WFDC8: variants seen among roughly 807,000 people sequenced by gnomAD.
The protein encoded by WFDC8 is WAP four-disulfide core domain 8.
Under a neutral mutation model 27.0 loss-of-function variants are expected in WFDC8, and 24 were observed. The observed-to-expected ratio is 0.89, with a 90% CI of 0.64 to 1.25. WFDC8 has a LOEUF of 1.25. Among genes scored for constraint, WFDC8 ranks in the 50% most tolerant of loss-of-function variants. WFDC8 has a pLI of 0.00. For synonymous variants in WFDC8, 106 were observed against 99.7 expected, an observed-to-expected ratio of 1.06 and a Z score of -0.38; for missense variants, 287 against 295.9, an observed-to-expected ratio of 0.97 and a Z score of 0.22.
intron 1 of WFDC8, among the ~76,000 whole-genome samples, chr20:45,565,001 A>G (rs1219146672): frequency 8.6e-6 from 1 of 115,770 alleles, no homozygotes; most frequent in East Asian, 2.1e-4. Context: ...AGGAAAGGAA[A>G]GGAAGAAAGA....
In WFDC8 at chr20:45,577,734, C is replaced by T. The variant is rs1001824758; in HGVS notation, c.26+1488G>A. Among the ~76,000 whole-genome samples, 2 of 145,994 alleles carry T rather than the reference C, an allele frequency of 1.4e-5. 1 individual carries two copies. The highest frequency in any genetic ancestry group is 4.8e-4 in the South Asian group (2 of 4,200). ...TTAAAAAATAAAGACAGGGCCAGCACGGTGGCTCATGCCTGTAATCCCAGC... is the reference window on the plus strand; with the variant it reads ...TTAAAAAATAAAGACAGGGCCAGCATGGTGGCTCATGCCTGTAATCCCAGC... On this transcript the variant is annotated intron_variant, in intron 1 of 5. Transcript: ENST00000289953.
chr20:45,578,550 C>T (rs1981123467), intron 1 of WFDC8, among the ~76,000 whole-genome samples: 1 of 151,308 alleles, frequency 6.6e-6, no homozygotes, highest in South Asian at 2.1e-4. Flanking sequence ...GCAAAACTCA[C>T]TATGCATATG....
intron 1 of WFDC8, among the ~76,000 whole-genome samples, chr20:45,575,602 C>A (rs1050394508): frequency 6.6e-6 from 1 of 151,160 alleles, no homozygotes; most frequent in African/African-American, 2.4e-5. Flanking sequence ...CCACCCAGAA[C>A]CTATCTTTTT....
At chr20:45,577,711 A>C (rs1352299673) in intron 1 of WFDC8, among the ~76,000 whole-genome samples, 1 of 147,346 alleles carries the variant, frequency 6.8e-6, no homozygotes, top group African/African-American at 2.5e-5. Context: ...ATACATGTTT[A>C]AAAAATAAAG....
At chr20:45,558,726 A>T in intron 3 of WFDC8, 126 bp downstream of exon 3, 1 of 1,187,962 alleles carries the variant, frequency 8.4e-7, no homozygotes, top group Non-Finnish European at 1.2e-6. Context: ...AGGGTTAGGC[A>T]TTGAATAACA....
At chr20:45,566,394 G>A (rs1395072834) in intron 1 of WFDC8, among the ~76,000 whole-genome samples, 2 of 152,110 alleles carry the variant, frequency 1.3e-5, no homozygotes, top group Non-Finnish European at 2.9e-5. Flanking sequence ...AGGTGCAGTG[G>A]CTCATGCCTG....
chr20:45,565,105 AAAG>A lies in WFDC8; in HGVS notation c.27-2889_27-2887del, dbSNP rs1475870557. On this transcript the variant is annotated intron_variant, in intron 1 of 5. Transcript: ENST00000289953. ...AAGAGAAAGAGGGAGGGAAAGAAGG[AAAG>A]AAGGAAGGAGAGAAGGAAGGAAGGA... is the stretch of plus-strand genomic sequence containing the variant. Among the ~76,000 whole-genome samples the A allele has an allele frequency of 4.0e-5, 6 of 150,664 alleles. No homozygotes were observed. The East Asian group carries it at 7.9e-4, about 20-fold the overall frequency.
chr20:45,571,815 CT>C (rs1209940220), intron 1 of WFDC8, among the ~76,000 whole-genome samples: 1 of 152,160 alleles, frequency 6.6e-6, no homozygotes, highest in Non-Finnish European at 1.5e-5. Flanking sequence ...GAATTTCCTT[CT>C]TTTTAAAGGC....
At chr20:45,559,013 A>G (rs1161061194) in intron 2 of WFDC8, 21 bp from the exon 3 acceptor site, 1 of 1,612,806 alleles carries the variant, frequency 6.2e-7, no homozygotes, top group Admixed American at 1.7e-5. Context: ...GAAATGTCCA[A>G]ACTCACATTC....
intron 1 of WFDC8, among the ~76,000 whole-genome samples, chr20:45,566,267 TGAA>T (rs1163884168): frequency 6.6e-6 from 1 of 152,184 alleles, no homozygotes; most frequent in African/African-American, 2.4e-5. Context: ...TTATAAAAAT[TGAA>T]GGAGTGTTTA....
chr20:45,558,157 C>T (rs1197372351), intron 3 of WFDC8, among the ~76,000 whole-genome samples: 1 of 152,132 alleles, frequency 6.6e-6, no homozygotes, highest in Non-Finnish European at 1.5e-5. Flanking sequence ...TAGAATTGCC[C>T]CCGCTTTCTG....
chr20:45,571,976 C>T (rs148901614), intron 1 of WFDC8, among the ~76,000 whole-genome samples: 1 of 152,164 alleles, frequency 6.6e-6, no homozygotes. Context: ...GATTTCATTT[C>T]TTTTGGATAT....
At chr20:45,577,523 C>T (rs887466974) in intron 1 of WFDC8, among the ~76,000 whole-genome samples, 3 of 149,588 alleles carry the variant, frequency 2.0e-5, no homozygotes, top group South Asian at 4.3e-4. Flanking sequence ...CTCAGACTCC[C>T]GAGTAGCTGG....
At chr20:45,557,824 C>T (rs1348975003) in intron 3 of WFDC8, among the ~76,000 whole-genome samples, 1 of 152,190 alleles carries the variant, frequency 6.6e-6, no homozygotes, top group Non-Finnish European at 1.5e-5. Flanking sequence ...TAACAAAGTG[C>T]CTAGTACCTA....
chr20:45,556,929 G>T (rs1227976400), intron 3 of WFDC8, among the ~76,000 whole-genome samples: 1 of 152,154 alleles, frequency 6.6e-6, no homozygotes, highest in South Asian at 2.1e-4. Flanking sequence ...AAAGGTCATG[G>T]TCACTGTTTG....
At chr20:45,571,227 C>A (rs1600898724) in intron 1 of WFDC8, among the ~76,000 whole-genome samples, 1 of 151,914 alleles carries the variant, frequency 6.6e-6, no homozygotes, top group East Asian at 1.9e-4. Flanking sequence ...TTTCTTTTTC[C>A]AACTTGAAAT....
At chr20:45,574,838 T>C (rs1980991325) in intron 1 of WFDC8, among the ~76,000 whole-genome samples, 1 of 152,190 alleles carries the variant, frequency 6.6e-6, no homozygotes, top group African/African-American at 2.4e-5. Flanking sequence ...CATGATCAAG[T>C]GGGATTTATC....
At chr20:45,553,037 G>C in intron 5 of WFDC8, 99 bp downstream of exon 5, 1 of 1,437,894 alleles carries the variant, frequency 7.0e-7, no homozygotes, top group Non-Finnish European at 9.4e-7. Flanking sequence ...ATGAGCCCAA[G>C]GAGCATCTGA....
downstream of WFDC8, chr20:45,551,249 T>C (rs1222163602): frequency 1.3e-5 from 2 of 152,200 alleles, no homozygotes; most frequent in Non-Finnish European, 2.9e-5. Context: ...AAAATCATTA[T>C]GTGACTGTAT....
Sources: allele counts gnomAD v4.1 joint callset (sites outside exome capture counted in the v4.1 genomes callset), GRCh38; gene constraint gnomAD v4.1.1; transcripts MANE v1.5; gene names NCBI Gene and HGNC (gene_info 2026-07-23, HGNC 2026-07-21).